Variants in ABCA13 observed in about 807,000 individuals in gnomAD.
The protein encoded by ABCA13 is ATP binding cassette subfamily A member 13.
In ABCA13, 476 loss-of-function variants were observed where a neutral mutation model predicts 478.7. That is an observed-to-expected ratio of 0.99 (90% confidence interval 0.92 to 1.07). ABCA13 has a LOEUF of 1.07. Among genes scored for constraint, ABCA13 ranks in the 50% least tolerant of loss-of-function variants. ABCA13 has a pLI of 0.00. For missense variants in ABCA13, 6,060 were observed against 5,910.6 expected (o/e 1.03, Z -0.83); for synonymous variants, 2,252 against 2,158.9 (o/e 1.04, Z -1.20).
At chr7:48,324,296 C>G (rs1005882840) in intron 27 of ABCA13, among the ~76,000 whole-genome samples, 2 of 152,126 alleles carry the variant, frequency 1.3e-5, no homozygotes, top group Admixed American at 1.3e-4. Context: ...TGTGTGTGTC[C>G]TAATATCCTC....
At chr7:48,259,500 A>C (rs770141190) in intron 15 of ABCA13, among the ~76,000 whole-genome samples, 1 of 152,036 alleles carries the variant, frequency 6.6e-6, no homozygotes, top group Non-Finnish European at 1.5e-5. Context: ...GTGTCATCGC[A>C]TGTGAGATGG....
At chr7:48,392,218 TA>T (rs2129056637) in intron 38 of ABCA13, 79 bp downstream of exon 38, 2 of 1,319,488 alleles carry the variant, frequency 1.5e-6, no homozygotes, top group South Asian at 1.3e-5. Flanking sequence ...AAGAGACACT[TA>T]AAAAATCATC....
chr7:48,513,975 T>C (rs571113966), intron 51 of ABCA13, among the ~76,000 whole-genome samples: 1 of 152,292 alleles, frequency 6.6e-6, no homozygotes, highest in Non-Finnish European at 1.5e-5. Flanking sequence ...TTTTCTTAAA[T>C]AATGCTTTGA....
chr7:48,488,241 T>A (rs559173569), intron 47 of ABCA13, among the ~76,000 whole-genome samples: 7 of 152,058 alleles, frequency 4.6e-5, no homozygotes, highest in Admixed American at 1.3e-4. Flanking sequence ...GTTTTGTTTT[T>A]TTTTTTTCTC....
At chr7:48,211,284 A>G (rs1172132874) in intron 3 of ABCA13, among the ~76,000 whole-genome samples, 2 of 152,198 alleles carry the variant, frequency 1.3e-5, no homozygotes, top group Admixed American at 6.5e-5. Context: ...AAAGGGGAAT[A>G]AATGTTGTGA....
intron 42 of ABCA13, among the ~76,000 whole-genome samples, chr7:48,452,873 G>A (rs1025521): frequency 0.6 from 90,578 of 152,022 alleles, 27,599 homozygotes; most frequent in African/African-American, 0.74. Context: ...AAACATCCCA[G>A]TTATTTTAGC....
intron 29 of ABCA13, among the ~76,000 whole-genome samples, chr7:48,345,962 T>G (rs148067452): frequency 6.6e-6 from 1 of 152,206 alleles, no homozygotes; most frequent in Non-Finnish European, 1.5e-5. Context: ...TGTTTAGATA[T>G]GTTTAGATAA....
intron 3 of ABCA13, among the ~76,000 whole-genome samples, chr7:48,207,251 C>G (rs1017258063): frequency 1.3e-5 from 2 of 151,924 alleles, no homozygotes; most frequent in Non-Finnish European, 2.9e-5. Flanking sequence ...TTGAATAATG[C>G]TGCAGTAAAC....
intron 6 of ABCA13, 138 bp downstream of exon 6, chr7:48,227,563 C>T: frequency 9.9e-7 from 1 of 1,014,674 alleles, no homozygotes. Context: ...AGAGGAGCTT[C>T]TGCACCTCCA....
intron 31 of ABCA13, among the ~76,000 whole-genome samples, chr7:48,361,722 T>A (rs1810874351): frequency 6.6e-6 from 1 of 151,826 alleles, no homozygotes; most frequent in South Asian, 2.1e-4. Context: ...AGATCTCATA[T>A]GTAGCTAACA....
chr7:48,378,090 G>C (rs1271413970), intron 35 of ABCA13, among the ~76,000 whole-genome samples: 1 of 152,198 alleles, frequency 6.6e-6, no homozygotes, highest in Non-Finnish European at 1.5e-5. Context: ...TCCCACTGTG[G>C]AATTCTAAAT....
At chr7:48,349,537 G>T (rs557624130) in intron 29 of ABCA13, among the ~76,000 whole-genome samples, 24 of 152,282 alleles carry the variant, frequency 1.6e-4, no homozygotes, top group African/African-American at 5.3e-4. Context: ...TTCAGGGCTG[G>T]CCCCCCTTTA....
intron 16 of ABCA13, among the ~76,000 whole-genome samples, chr7:48,269,895 A>C (rs569722706): frequency 6.6e-6 from 1 of 152,332 alleles, no homozygotes; most frequent in South Asian, 2.1e-4. Context: ...AGCTATTAGT[A>C]GGAACAGAAG....
At chr7:48,321,621 G>A (rs1357383796) in intron 27 of ABCA13, among the ~76,000 whole-genome samples, 1 of 152,220 alleles carries the variant, frequency 6.6e-6, no homozygotes, top group Non-Finnish European at 1.5e-5. Flanking sequence ...AGATTTCCCT[G>A]ACATCCATGT....
intron 55 of ABCA13, among the ~76,000 whole-genome samples, chr7:48,531,237 G>A (rs917972795): frequency 6.6e-6 from 1 of 152,044 alleles, no homozygotes; most frequent in Admixed American, 6.5e-5. Context: ...ACCATTTGTT[G>A]AATATGGTGT....
intron 5 of ABCA13, among the ~76,000 whole-genome samples, chr7:48,226,934 A>G (rs1253270035): frequency 2.0e-5 from 3 of 152,148 alleles, no homozygotes; most frequent in Admixed American, 1.3e-4. Context: ...TCCAGGATCT[A>G]TGTCACAGAC....
chr7:48,515,476 T>C (rs1832036029), intron 51 of ABCA13, among the ~76,000 whole-genome samples: 1 of 152,180 alleles, frequency 6.6e-6, no homozygotes, highest in African/African-American at 2.4e-5. Flanking sequence ...GGGTGGTATC[T>C]TAGATCCTGA....
chr7:48,415,245 A>G (rs1254625183), intron 41 of ABCA13, among the ~76,000 whole-genome samples: 2 of 152,236 alleles, frequency 1.3e-5, no homozygotes, highest in African/African-American at 4.8e-5. Context: ...GTTTCCCTAC[A>G]GACAGAAGGA....
At chr7:48,238,449 A>C (rs1790292322) in intron 8 of ABCA13, among the ~76,000 whole-genome samples, 1 of 151,392 alleles carries the variant, frequency 6.6e-6, no homozygotes, top group Non-Finnish European at 1.5e-5. Flanking sequence ...GCAGTGTTAC[A>C]GGAACTCTGT....
Sources: gnomAD v4.1 joint callset for allele counts (sites outside exome capture counted in the v4.1 genomes callset) on GRCh38, gnomAD v4.1.1 for gene constraint, MANE v1.5 for transcripts, NCBI Gene and HGNC (gene_info 2026-07-23, HGNC 2026-07-21) for gene names.